Variants in MACROD2 observed in about 807,000 individuals in gnomAD.
MACROD2 encodes mono-ADP ribosylhydrolase 2, also known as ADP-ribose glycohydrolase MACROD2.
MACROD2 carries 36 observed loss-of-function variants against 70.4 expected under a neutral mutation model. That is an observed-to-expected ratio of 0.51 (90% CI 0.39 to 0.68). The LOEUF (loss-of-function observed/expected upper bound fraction) is 0.68. Ranked by LOEUF, MACROD2 falls within the 30% of genes least tolerant of loss-of-function variation. The pLI, the probability that MACROD2 is intolerant of heterozygous loss-of-function variation, is 0.00. For synonymous variants in MACROD2, 172 were observed against 178.8 expected (o/e 0.96, Z 0.30); for missense variants, 496 against 538.4 (o/e 0.92, Z 0.78).
chr20:15,679,478 G>A (rs2050130393), intron 8 of MACROD2, among the ~76,000 whole-genome samples: 1 of 152,150 alleles, frequency 6.6e-6, no homozygotes, highest in African/African-American at 2.4e-5. Flanking sequence ...CAAGGTTCAT[G>A]CCCTATGCAG....
chr20:14,123,006 A>G (rs1308610528), intron 3 of MACROD2, among the ~76,000 whole-genome samples: 13 of 152,182 alleles, frequency 8.5e-5, no homozygotes, highest in Non-Finnish European at 1.9e-4. Context: ...TGAGGTTGTT[A>G]TCAGGCAAGA....
intron 8 of MACROD2, among the ~76,000 whole-genome samples, chr20:15,576,524 C>T (rs557217221): frequency 8.0e-5 from 12 of 150,890 alleles, no homozygotes; most frequent in African/African-American, 2.9e-4. Flanking sequence ...TTCCACCAGA[C>T]TGACTAACTT....
At chr20:15,061,127 G>A (rs2075529384) in intron 5 of MACROD2, among the ~76,000 whole-genome samples, 2 of 152,184 alleles carry the variant, frequency 1.3e-5, no homozygotes, top group South Asian at 4.1e-4. Flanking sequence ...GATAGTGTAT[G>A]CTCAGATATC....
rs1555788820 is a variant in MACROD2, at chr20:15,869,238, T to TAGAGAGAGAGAGAGAGAGAGAG, written c.727+6421_727+6442dup. Among the ~76,000 whole-genome samples the TAGAGAGAGAGAGAGAGAGAGAG allele has an allele frequency of 1.2e-3, 34 of 28,292 alleles. 1 individual carries two copies. Among genetic ancestry groups the TAGAGAGAGAGAGAGAGAGAGAG allele is most frequent in the South Asian group, 5.4e-3 (1 of 184 alleles). The allele number at this position is 28,292 out of a possible 152,430, so 18.6% of individuals were successfully genotyped here. On this transcript the variant is annotated intron_variant, in intron 9 of 17. Coordinates refer to ENST00000684519, the MANE Select transcript of MACROD2 (RefSeq NM_001351661.2). The stretch of plus-strand genomic sequence containing the variant: ...ATATATATATATATATATATATATA[T>TAGAGAGAGAGAGAGAGAGAGAG]AGAGAGAGAGAGAGAGAGAGAGAGA...
In MACROD2 at chr20:14,658,965, T is replaced by C. The variant is rs555588074; in HGVS notation, c.302-25878T>C. 4.6e-5 allele frequency among the ~76,000 whole-genome samples: 7 copies of C among 152,294 alleles called. No individual in the cohort carries two copies. In the South Asian group the frequency reaches 1.5e-3, roughly 32 times the overall value. On this transcript the variant is annotated intron_variant, in intron 4 of 17. Coordinates refer to ENST00000684519, the MANE Select transcript of MACROD2 (RefSeq NM_001351661.2). ...AAATAGCGATTTTCAAACATTAATA[T>C]GATCAGAATCACCTGCAGGGCTTGC...
intron 2 of MACROD2, among the ~76,000 whole-genome samples, chr20:14,004,692 A>G (rs1385242621): frequency 6.6e-6 from 1 of 152,174 alleles, no homozygotes; most frequent in Non-Finnish European, 1.5e-5. Flanking sequence ...TACAAAAAAT[A>G]ATAAAGGAAA....
chr20:15,541,934 C>T (rs2047962329), intron 8 of MACROD2, among the ~76,000 whole-genome samples: 2 of 152,150 alleles, frequency 1.3e-5, no homozygotes, highest in South Asian at 4.1e-4. Flanking sequence ...CAAATGATGC[C>T]ACCAAATAAG....
At chr20:14,912,230 C>T (rs1338360095) in intron 5 of MACROD2, among the ~76,000 whole-genome samples, 1 of 152,146 alleles carries the variant, frequency 6.6e-6, no homozygotes, top group African/African-American at 2.4e-5. Flanking sequence ...GACTCATTGT[C>T]ACCTGTGAGG....
intron 7 of MACROD2, among the ~76,000 whole-genome samples, chr20:15,435,428 T>C (rs1057339643): frequency 6.6e-6 from 1 of 152,140 alleles, no homozygotes; most frequent in African/African-American, 2.4e-5. Flanking sequence ...TCATATTATA[T>C]GGACATGTTT....
rs2076171915 is a variant in MACROD2, at chr20:15,139,015, C to T, written c.419-90925C>T. On this transcript the variant is annotated intron_variant, in intron 5 of 17. Transcript: ENST00000684519. Reference sequence around the variant, plus strand: ...ATCAGAATTGTACCGTAAAAGCACCCCTAAAGCTTGACAATGTTCTAGTGA... The same window carrying T: ...ATCAGAATTGTACCGTAAAAGCACCTCTAAAGCTTGACAATGTTCTAGTGA... 2.0e-5 allele frequency among the ~76,000 whole-genome samples: 3 copies of T among 152,098 alleles called. No homozygotes were observed. In the South Asian group the frequency reaches 6.2e-4, roughly 31 times the overall value.
intron 3 of MACROD2, among the ~76,000 whole-genome samples, chr20:14,195,068 A>T (rs938875146): frequency 6.6e-6 from 1 of 152,180 alleles, no homozygotes; most frequent in Non-Finnish European, 1.5e-5. Flanking sequence ...TTTAACTTGA[A>T]TTATTTTTAG....
intron 3 of MACROD2, among the ~76,000 whole-genome samples, chr20:14,283,565 A>G (rs1370538524): frequency 2.0e-5 from 3 of 152,204 alleles, no homozygotes; most frequent in African/African-American, 7.2e-5. Flanking sequence ...TAATTCATGT[A>G]TTTACTTAAT....
chr20:15,423,091 T>A (rs1037583796), intron 6 of MACROD2, among the ~76,000 whole-genome samples: 1 of 68,938 alleles, frequency 1.5e-5, no homozygotes. Context: ...TAACTTATAG[T>A]TTTAGCATAG....
At chr20:14,455,410 G>C (rs1364035352) in intron 3 of MACROD2, among the ~76,000 whole-genome samples, 1 of 151,848 alleles carries the variant, frequency 6.6e-6, no homozygotes, top group Non-Finnish European at 1.5e-5. Context: ...GACAGGCTTT[G>C]ATCAACGAAA....
intron 3 of MACROD2, among the ~76,000 whole-genome samples, chr20:14,267,127 G>T (rs2082150842): frequency 6.6e-6 from 1 of 152,136 alleles, no homozygotes; most frequent in South Asian, 2.1e-4. Flanking sequence ...AATGATCCAA[G>T]AGAAGTTATG....
intron 8 of MACROD2, among the ~76,000 whole-genome samples, chr20:15,739,631 C>G (rs2051075347): frequency 6.6e-6 from 1 of 152,130 alleles, no homozygotes; most frequent in African/African-American, 2.4e-5. Context: ...AGAATGGAAG[C>G]TAGGCTACAA....
chr20:14,202,077 T>G (rs2081484551), intron 3 of MACROD2, among the ~76,000 whole-genome samples: 1 of 152,158 alleles, frequency 6.6e-6, no homozygotes, highest in African/African-American at 2.4e-5. Context: ...GAGTCTTTTA[T>G]CTTCTGGAAT....
chr20:15,645,005 A>G lies in MACROD2; in HGVS notation c.645+145158A>G, dbSNP rs6043411. ...CGCCCAGCCTAAGTAATTTTTTTCA[A>G]GTAAATCCAGAATTTGACTCCAAAG... On this transcript the variant is annotated intron_variant, in intron 8 of 17. Coordinates refer to ENST00000684519, the MANE Select transcript of MACROD2 (RefSeq NM_001351661.2). Among the ~76,000 whole-genome samples the G allele has an allele frequency of 9.8e-3, 1,488 of 152,260 alleles. 20 individuals carry two copies. The highest frequency in any genetic ancestry group is 0.034 in the African/African-American group (1,419 of 41,546).
At position 15,230,013 on chromosome 20, in the gene MACROD2, C is replaced by G; in HGVS notation, c.492C>G (p.Cys164Trp). ...CCCACAAGGAAGACCTTGCAAATTG[C>G]TATAAATCATCTCTGAAGCTCGTGA... ...NGSHKEDLAN[C>W]YKSSLKLVKE... Residue 164 changes from cysteine to tryptophan, a missense_variant, in exon 6 of 18, where the codon TGC (cysteine) becomes TGG (tryptophan). Coordinates refer to ENST00000684519, the MANE Select transcript of MACROD2 (RefSeq NM_001351661.2). The G allele has an allele frequency of 6.2e-7, 1 of 1,613,690 alleles. No homozygotes were observed. Among genetic ancestry groups the G allele is most frequent in the African/African-American group, 1.3e-5 (1 of 75,026 alleles).
Sources: gnomAD v4.1 joint callset for allele counts (sites outside exome capture counted in the v4.1 genomes callset) on GRCh38, gnomAD v4.1.1 for gene constraint, MANE v1.5 for transcripts, NCBI Gene and HGNC (gene_info 2026-07-23, HGNC 2026-07-21) for gene names.